The following OPRM1 variants were observed in gnomAD, a reference collection of about 807,000 sequenced individuals.
OPRM1 encodes the protein opioid receptor mu 1, also known as mu-type opioid receptor.
Under a neutral mutation model 31.8 loss-of-function variants are expected in OPRM1, and 27 were observed. The ratio of observed to expected loss-of-function variants is 0.85; its 90% confidence interval spans 0.63 to 1.17. The LOEUF is 1.17. OPRM1 is among the 50% of genes most tolerant of loss of function. OPRM1 has a pLI of 0.00. For synonymous variants in OPRM1, 196 were observed against 189.9 expected (o/e 1.03, Z -0.26); for missense variants, 536 against 511.1 (o/e 1.05, Z -0.47).
chr6:154,102,902 C>A (rs1481353129), intron 3 of OPRM1, among the ~76,000 whole-genome samples: 25 of 140,520 alleles, frequency 1.8e-4, no homozygotes, highest in Middle Eastern at 3.4e-3. Context: ...CTTTCTTCTA[C>A]ACCACTAACC....
intron 3 of OPRM1, among the ~76,000 whole-genome samples, chr6:154,234,020 G>A (rs1411672101): frequency 6.6e-6 from 1 of 152,110 alleles, no homozygotes; most frequent in African/African-American, 2.4e-5. Flanking sequence ...ACCAGCCTGG[G>A]CAACACAGTG....
intron 3 of OPRM1, among the ~76,000 whole-genome samples, chr6:154,153,667 A>G (rs1216186719): frequency 1.3e-5 from 2 of 149,410 alleles, no homozygotes; most frequent in African/African-American, 5.0e-5. Context: ...CCTGCGCGAC[A>G]GAGTGAAACT....
intron 3 of OPRM1, among the ~76,000 whole-genome samples, chr6:154,239,480 A>G (rs1022903125): frequency 3.3e-5 from 5 of 152,248 alleles, no homozygotes; most frequent in African/African-American, 1.2e-4. Flanking sequence ...TCTAACATTT[A>G]GGTTTCCAAA....
At chr6:154,185,464 C>G (rs1262942089) in intron 3 of OPRM1, among the ~76,000 whole-genome samples, 1 of 152,172 alleles carries the variant, frequency 6.6e-6, no homozygotes, top group African/African-American at 2.4e-5. Flanking sequence ...CCAAACTTTA[C>G]AAATCAGTTC....
At chr6:154,190,477 A>C (rs1206482304) in intron 3 of OPRM1, among the ~76,000 whole-genome samples, 3 of 152,234 alleles carry the variant, frequency 2.0e-5, no homozygotes, top group Admixed American at 6.5e-5. Context: ...CCCACCTACT[A>C]GCATGGCGAA....
chr6:154,070,044 G>A (rs1011511147), intron 1 of OPRM1, among the ~76,000 whole-genome samples: 2 of 152,136 alleles, frequency 1.3e-5, no homozygotes, highest in Non-Finnish European at 2.9e-5. Flanking sequence ...TGTAATATTC[G>A]GAGGTGAGGG....
chr6:154,230,983 T>C, intron 3 of OPRM1, among the ~76,000 whole-genome samples: 1 of 152,202 alleles, frequency 6.6e-6, no homozygotes, highest in Admixed American at 6.5e-5. Context: ...GGTTACCCAA[T>C]GACTATCTGA....
chr6:154,024,395 A>G (rs1362876731), intron 1 of OPRM1, among the ~76,000 whole-genome samples: 1 of 151,810 alleles, frequency 6.6e-6, no homozygotes, highest in East Asian at 1.9e-4. Flanking sequence ...CTTCTCTTTC[A>G]TTATTGACTT....
chr6:154,178,553 G>A (rs1043043730), intron 3 of OPRM1, among the ~76,000 whole-genome samples: 8 of 152,060 alleles, frequency 5.3e-5, no homozygotes, highest in Non-Finnish European at 1.2e-4. Context: ...GGGCAACTGT[G>A]TATATGTAAA....
intron 3 of OPRM1, chr6:154,212,898 C>T (rs752104398): frequency 3.8e-6 from 5 of 1,321,104 alleles, no homozygotes; most frequent in Non-Finnish European, 5.5e-6. Context: ...ACGCTGTCAT[C>T]GCTTATTCCA....
At chr6:154,143,512 A>G (rs1422835288) in intron 3 of OPRM1, among the ~76,000 whole-genome samples, 1 of 152,266 alleles carries the variant, frequency 6.6e-6, no homozygotes, top group Admixed American at 6.5e-5. Context: ...CACAGAGTGA[A>G]GTGTAAGAAT....
intron 3 of OPRM1, chr6:154,159,590 A>G (rs1798851395): frequency 3.9e-6 from 2 of 519,114 alleles, no homozygotes; most frequent in Non-Finnish European, 3.3e-6. Flanking sequence ...CAGTAGGAAC[A>G]CAAAAAACGC....
At position 154,109,026 on chromosome 6, in the gene OPRM1, A is replaced by G. The variant is rs891928278; in HGVS notation, c.1165-9657A>G. On this transcript the variant is annotated intron_variant, in intron 3 of 3. Coordinates refer to ENST00000330432, the MANE Select transcript of OPRM1 (RefSeq NM_000914.5). ...GATAAAAGCCATCTAACCTGTTGGA[A>G]TTATAGGTCACATCAAGAGAATTCT... is the stretch of plus-strand genomic sequence containing the variant. The G allele has an allele frequency of 2.0e-6, 2 of 985,216 alleles. 1 individual carries two copies. The highest frequency in any genetic ancestry group is 9.4e-5 in the South Asian group (2 of 21,288). The allele number at this position is 985,216 out of a possible 1,614,324, so 61.0% of individuals were successfully genotyped here.
intron 3 of OPRM1, among the ~76,000 whole-genome samples, chr6:154,178,549 C>T (rs1224977655): frequency 1.3e-5 from 2 of 152,066 alleles, no homozygotes; most frequent in Non-Finnish European, 2.9e-5. Context: ...GGTTGGGCAA[C>T]TGTGTATATG....
chr6:154,136,963 T>A (rs560025561), downstream of OPRM1, among the ~76,000 whole-genome samples: 9 of 152,354 alleles, frequency 5.9e-5, no homozygotes, highest in East Asian at 1.7e-3. Context: ...ATTGTAATAA[T>A]GATCTTGTGA....
chr6:154,020,166 C>T (rs1174919238), intron 1 of OPRM1, among the ~76,000 whole-genome samples: 2 of 152,160 alleles, frequency 1.3e-5, no homozygotes, highest in African/African-American at 2.4e-5. Flanking sequence ...CTATAAACAT[C>T]TGTATGCAGG....
chr6:154,178,031 T>G (rs1195193839), intron 3 of OPRM1, among the ~76,000 whole-genome samples: 1 of 149,658 alleles, frequency 6.7e-6, no homozygotes, highest in Non-Finnish European at 1.5e-5. Context: ...CAGCAAAATA[T>G]CACAAGGACA....
rs1435570113 is a variant in OPRM1, at chr6:154,130,644, T to G, written c.*11923T>G. On this transcript the variant is annotated 3_prime_UTR_variant, in exon 4 of 4. Transcript: ENST00000330432. ...GAAATACTAGTATATATATTCCCTT[T>G]ATATACTAATTGTATATCCATATAA... Among the ~76,000 whole-genome samples the G allele has an allele frequency of 1.3e-5, 2 of 152,028 alleles. No individual in the cohort carries two copies. The highest frequency in any genetic ancestry group is 6.6e-5 in the Admixed American group (1 of 15,250).
Position 154,039,737 on chromosome 6 carries a change from C to G in OPRM1, c.193C>G (p.Pro65Ala), listed in dbSNP as rs1482103571. The change falls in exon 1 of 4, where the codon CCC becomes GCC. Residue 65 changes from proline (P) to alanine (A), a missense_variant. Pro to Ala is a conservative substitution (Grantham distance 27). Coordinates refer to ENST00000330432, the MANE Select transcript of OPRM1 (RefSeq NM_000914.5). ...RDSLCPPTGS[P>A]SMITAITIMA... ...CAGCCTGTGCCCTCCGACCGGCAGT[C>G]CCTCCATGATCACGGCCATCACGAT... 1 of 1,608,758 alleles carries G rather than the reference C, an allele frequency of 6.2e-7. No individual in the cohort carries two copies. The highest frequency in any genetic ancestry group is 8.5e-7 in the Non-Finnish European group (1 of 1,179,148).
Sources: gnomAD v4.1 joint callset for allele counts (sites outside exome capture counted in the v4.1 genomes callset) on GRCh38, gnomAD v4.1.1 for gene constraint, MANE v1.5 for transcripts, NCBI Gene and HGNC (gene_info 2026-07-23, HGNC 2026-07-21) for gene names.